The following GPC6 variants were observed in gnomAD, a reference collection of about 807,000 sequenced individuals.
GPC6 encodes the protein glypican 6, also known as glypican-6.
Under a neutral mutation model 55.2 loss-of-function variants are expected in GPC6, and 14 were observed. That is an observed-to-expected ratio of 0.25 (90% CI 0.17 to 0.40). GPC6 has a LOEUF of 0.40. Among genes scored for constraint, GPC6 ranks in the 10% least tolerant of loss-of-function variants. The pLI, the probability that GPC6 is intolerant of heterozygous loss-of-function variation, is 1.00. For missense variants in GPC6, 641 were observed against 708.5 expected (o/e 0.90, Z 1.08); for synonymous variants, 278 against 259.6 (o/e 1.07, Z -0.68).
At chr13:93,231,361 GTATATATATATATATATACATA>G (rs1876019679) in intron 1 of GPC6, among the ~76,000 whole-genome samples, 1 of 86,212 alleles carries the variant, frequency 1.2e-5, no homozygotes, top group African/African-American at 4.7e-5. Context: ...ATATATATAC[GTATATATATATATATATACATA>G]TATATATATA....
chr13:94,290,719 A>G (rs1478082346), intron 5 of GPC6, among the ~76,000 whole-genome samples: 2 of 152,172 alleles, frequency 1.3e-5, no homozygotes, highest in Admixed American at 1.3e-4. Flanking sequence ...TATTAACTAT[A>G]GTTTAGGTCA....
chr13:94,094,595 G>C (rs1415794936), intron 4 of GPC6, among the ~76,000 whole-genome samples: 2 of 152,024 alleles, frequency 1.3e-5, no homozygotes, highest in East Asian at 3.9e-4. Context: ...CTCAATATAT[G>C]AACACTGCTT....
chr13:93,276,449 T>C (rs1877739499), intron 1 of GPC6, among the ~76,000 whole-genome samples: 1 of 147,496 alleles, frequency 6.8e-6, no homozygotes, highest in Non-Finnish European at 1.5e-5. Flanking sequence ...GCAGAAGCTC[T>C]GGCCTTTTCA....
intron 2 of GPC6, among the ~76,000 whole-genome samples, chr13:93,594,245 G>C (rs955045926): frequency 1.3e-5 from 2 of 151,578 alleles, no homozygotes; most frequent in African/African-American, 4.9e-5. Context: ...GGGGTTTGTT[G>C]TACAGATTAT....
intron 4 of GPC6, among the ~76,000 whole-genome samples, chr13:94,131,327 A>C (rs1471298493): frequency 2.6e-5 from 4 of 152,174 alleles, no homozygotes; most frequent in African/African-American, 9.6e-5. Flanking sequence ...AAAAATTCAA[A>C]AAATAAAATA....
rs186260076 is a variant in GPC6, at chr13:93,354,412, G to A, written c.160+126796G>A. 7.0e-5 allele frequency among the ~76,000 whole-genome samples: 10 copies of A among 142,712 alleles called. No homozygotes were observed. In the East Asian group the frequency reaches 8.7e-4, roughly 12 times the overall value. 93.6% of individuals were successfully genotyped at this position (142,712 alleles called of 152,430 possible). On this transcript the variant is annotated intron_variant, in intron 1 of 8. Coordinates refer to ENST00000377047, the MANE Select transcript of GPC6 (RefSeq NM_005708.5). ...ATTGCCCAGGTTGGAGTGCAGTGGC[G>A]CGATCTCAGCTCACTGCAAGCTCTG...
chr13:93,667,738 T>TTTTTTTTTTG (rs1881202260), intron 2 of GPC6, among the ~76,000 whole-genome samples: 1 of 151,030 alleles, frequency 6.6e-6, no homozygotes, highest in Admixed American at 6.6e-5. Flanking sequence ...AGGACTTGTT[T>TTTTTTTTTTG]TTTTTTTTTT....
intron 2 of GPC6, among the ~76,000 whole-genome samples, chr13:93,741,117 C>CTTTTT (rs772541106): frequency 9.5e-4 from 73 of 77,196 alleles, no homozygotes; most frequent in African/African-American, 1.5e-3. Context: ...CATCCAGAAT[C>CTTTTT]TTTTTTTTTT....
chr13:93,644,774 A>G (rs975303438), intron 2 of GPC6, among the ~76,000 whole-genome samples: 4 of 125,404 alleles, frequency 3.2e-5, no homozygotes, highest in Non-Finnish European at 4.8e-5. Flanking sequence ...GAGTAAATAA[A>G]TAAATAAATA....
chr13:94,293,059 C>T (rs933625545), intron 5 of GPC6, among the ~76,000 whole-genome samples: 4 of 152,016 alleles, frequency 2.6e-5, no homozygotes, highest in Admixed American at 6.6e-5. Context: ...TTTTAAAGAC[C>T]AGGGGCAAGA....
chr13:93,395,364 G>A (rs1875806792), intron 1 of GPC6: 2 of 396,140 alleles, frequency 5.0e-6, no homozygotes, highest in East Asian at 5.7e-5. Context: ...TTCACAGGAT[G>A]GTATTTCGGA....
intron 4 of GPC6, among the ~76,000 whole-genome samples, chr13:94,045,138 T>G (rs564110737): frequency 1.3e-5 from 2 of 151,972 alleles, no homozygotes; most frequent in East Asian, 3.9e-4. Context: ...CCATTACAAA[T>G]GTCTTCCTGT....
At chr13:94,113,983 C>T (rs1039780407) in intron 4 of GPC6, among the ~76,000 whole-genome samples, 3 of 144,632 alleles carry the variant, frequency 2.1e-5, no homozygotes, top group Non-Finnish European at 4.5e-5. Context: ...CGCCACTGCA[C>T]TCCAGCCTGA....
chr13:93,250,003 G>A (rs1165489368), intron 1 of GPC6, among the ~76,000 whole-genome samples: 1 of 152,136 alleles, frequency 6.6e-6, no homozygotes, highest in African/African-American at 2.4e-5. Context: ...AGTCTGATCA[G>A]TTTTGCCTTT....
At chr13:93,418,850 A>C (rs1201814990) in intron 1 of GPC6, among the ~76,000 whole-genome samples, 1 of 151,252 alleles carries the variant, frequency 6.6e-6, no homozygotes, top group Non-Finnish European at 1.5e-5. Context: ...ATACCGTAGC[A>C]TCACTTTATT....
intron 1 of GPC6, among the ~76,000 whole-genome samples, chr13:93,324,193 C>G (rs1428151630): frequency 6.6e-6 from 1 of 152,008 alleles, no homozygotes; most frequent in African/African-American, 2.4e-5. Context: ...AAGCCAGGCA[C>G]AGAAAGATAA....
chr13:94,272,463 CTTTTTTTTTTTTT>C (rs555664508), intron 4 of GPC6, among the ~76,000 whole-genome samples: 2 of 85,744 alleles, frequency 2.3e-5, no homozygotes, highest in African/African-American at 5.6e-5. Context: ...CTTTTCTTTT[CTTTTTTTTTTTTT>C]TTTTTTTTTT....
rs71126408 is a variant in GPC6, at chr13:93,667,735, G to GTTTTTTTTT, written c.319+122319_319+122327dup. ...AAACCACCACACCCAGCCAGGACTTGTTTTTTTTTTTTTCTGTCAAATTTG... is the reference window on the plus strand; with the variant it reads ...AAACCACCACACCCAGCCAGGACTTGTTTTTTTTTTTTTTTTTTTTTTCTGTCAAATTTG... On this transcript the variant is annotated intron_variant, in intron 2 of 8. Transcript: ENST00000377047. Among the ~76,000 whole-genome samples the GTTTTTTTTT allele has an allele frequency of 3.2e-3, 397 of 123,120 alleles. 5 individuals are homozygous for GTTTTTTTTT. Among genetic ancestry groups the GTTTTTTTTT allele is most frequent in the East Asian group, 6.0e-3 (26 of 4,314 alleles). The allele number at this position is 123,120 out of a possible 152,430, so 80.8% of individuals were successfully genotyped here.
intron 1 of GPC6, among the ~76,000 whole-genome samples, chr13:93,445,540 G>T (rs1048733519): frequency 1.1e-4 from 16 of 152,226 alleles, no homozygotes; most frequent in Non-Finnish European, 8.8e-5. Context: ...AATGGAGTCT[G>T]TCAACTCTTC....
Sources: allele counts gnomAD v4.1 joint callset (sites outside exome capture counted in the v4.1 genomes callset), GRCh38; gene constraint gnomAD v4.1.1; transcripts MANE v1.5; gene names NCBI Gene and HGNC (gene_info 2026-07-23, HGNC 2026-07-21).